The following BTRC variants were observed in gnomAD, a reference collection of about 807,000 sequenced individuals.
BTRC encodes the protein F-box/WD repeat-containing protein 1A.
In BTRC, 42 loss-of-function variants were observed where a neutral mutation model predicts 85.5. The ratio of observed to expected loss-of-function variants is 0.49; its 90% CI spans 0.38 to 0.64. The LOEUF (loss-of-function observed/expected upper bound fraction) is 0.64, where lower values mean the gene tolerates loss of function less well. BTRC is among the 30% of genes least tolerant of loss of function. The pLI is 0.00. For missense variants in BTRC, 594 were observed against 743.5 expected (o/e 0.80, Z 2.34); for synonymous variants, 255 against 263.3 (o/e 0.97, Z 0.30).
intron 13 of BTRC, among the ~76,000 whole-genome samples, chr10:101,541,922 G>C (rs2062475007): frequency 7.0e-6 from 1 of 143,232 alleles, no homozygotes; most frequent in East Asian, 2.1e-4. Flanking sequence ...CTGGTTGACT[G>C]TCATGATAAT....
chr10:101,511,855 T>G (rs1211881545), intron 4 of BTRC, among the ~76,000 whole-genome samples: 1 of 152,150 alleles, frequency 6.6e-6, no homozygotes, highest in East Asian at 1.9e-4. Flanking sequence ...TTCACTATGT[T>G]GACCAGGCTG....
intron 1 of BTRC, among the ~76,000 whole-genome samples, chr10:101,425,105 T>C (rs182867898): frequency 6.6e-6 from 1 of 152,334 alleles, no homozygotes; most frequent in Admixed American, 6.5e-5. Flanking sequence ...TCTAGCTGCA[T>C]CCATGTTCTG....
intron 2 of BTRC, among the ~76,000 whole-genome samples, chr10:101,435,643 G>T (rs1253647569): frequency 6.6e-6 from 1 of 151,958 alleles, no homozygotes; most frequent in East Asian, 1.9e-4. Context: ...TATTAATAAA[G>T]CTACTATAAA....
chr10:101,509,638 A>G (rs1186535366), intron 4 of BTRC, among the ~76,000 whole-genome samples: 1 of 147,176 alleles, frequency 6.8e-6, no homozygotes, highest in African/African-American at 2.5e-5. Context: ...CTGCAGGCTC[A>G]ACCTCCCAGG....
intron 3 of BTRC, among the ~76,000 whole-genome samples, chr10:101,469,360 T>C (rs895733718): frequency 1.3e-5 from 2 of 152,176 alleles, no homozygotes; most frequent in Non-Finnish European, 2.9e-5. Context: ...ATTTTACAGA[T>C]GGAATGTCTA....
chr10:101,479,450 T>A lies in BTRC; in HGVS notation c.317T>A (p.Val106Glu). 6.2e-7 allele frequency: 1 copy of A among 1,612,556 alleles called. No individual in the cohort carries two copies. The highest frequency in any genetic ancestry group is 1.1e-5 in the South Asian group (1 of 91,048). ...ACTGCTATGAAGACTGAGAATTGTG[T>A]GGCCAAAGTAAGTAATATTGCTCAT... ...ASTAMKTENC[V>E]AKTKLANGTS... is the part of the protein sequence containing the mutation. The change falls in exon 4 of 15, where the codon GTG becomes GAG. Residue 106 changes from valine to glutamate, a missense_variant. Transcript: ENST00000370187.
At chr10:101,506,275 A>G (rs180824024) in intron 4 of BTRC, among the ~76,000 whole-genome samples, 192 of 152,338 alleles carry the variant, frequency 1.3e-3, no homozygotes, top group African/African-American at 4.2e-3. Context: ...GAACTGAAGC[A>G]TGAAGCCATC....
chr10:101,362,630 G>A (rs1241908721), intron 1 of BTRC, among the ~76,000 whole-genome samples: 1 of 148,630 alleles, frequency 6.7e-6, no homozygotes, highest in Non-Finnish European at 1.5e-5. Context: ...CCCGACCTTA[G>A]GTGATCCGCC....
intron 3 of BTRC, among the ~76,000 whole-genome samples, chr10:101,464,479 C>T (rs112979099): frequency 1.1e-4 from 17 of 151,916 alleles, no homozygotes; most frequent in African/African-American, 3.4e-4. Context: ...TTTTCATTGC[C>T]GTTTTAGCAG....
intron 1 of BTRC, among the ~76,000 whole-genome samples, chr10:101,422,160 A>G (rs149161195): frequency 0.067 from 10,147 of 152,202 alleles, 356 homozygotes; most frequent in Non-Finnish European, 0.074. Context: ...AATGATCACC[A>G]TTCTAACTGG....
chr10:101,414,944 A>G lies in BTRC; in HGVS notation c.49-15401A>G, dbSNP rs144105852. On this transcript the variant is annotated intron_variant, in intron 1 of 14. Coordinates refer to ENST00000370187, the MANE Select transcript of BTRC (RefSeq NM_033637.4). ...AAAATTTATAAAGTGAAAAAGTCACAGTAAGCTAAGTTTATTACTAAAGAG... is the reference window on the plus strand; with the variant it reads ...AAAATTTATAAAGTGAAAAAGTCACGGTAAGCTAAGTTTATTACTAAAGAG... 2.0e-5 allele frequency among the ~76,000 whole-genome samples: 3 copies of G among 152,312 alleles called. No individual in the cohort carries two copies. The East Asian group carries it at 5.8e-4, about 29-fold the overall frequency.
chr10:101,477,424 G>T (rs1159771387), intron 3 of BTRC, among the ~76,000 whole-genome samples: 1 of 152,042 alleles, frequency 6.6e-6, no homozygotes, highest in Non-Finnish European at 1.5e-5. Flanking sequence ...TTAATATATT[G>T]TCCAGTAATT....
chr10:101,540,189 C>A (rs2062445190), intron 13 of BTRC, among the ~76,000 whole-genome samples: 1 of 152,160 alleles, frequency 6.6e-6, no homozygotes, highest in African/African-American at 2.4e-5. Context: ...CTCAGAAAAA[C>A]CTTTGACTAA....
At chr10:101,514,058 A>T (rs1411972111) in intron 4 of BTRC, among the ~76,000 whole-genome samples, 1 of 152,198 alleles carries the variant, frequency 6.6e-6, no homozygotes, top group Non-Finnish European at 1.5e-5. Context: ...GCTTATTGGC[A>T]TCTGTGGATC....
chr10:101,466,498 C>A (rs947796900), intron 3 of BTRC, among the ~76,000 whole-genome samples: 3 of 152,146 alleles, frequency 2.0e-5, no homozygotes, highest in African/African-American at 7.2e-5. Flanking sequence ...ACATTTTCCT[C>A]CCCCATGCAC....
chr10:101,359,090 ACTTCC>A lies in BTRC; in HGVS notation c.48+4866_48+4870del, dbSNP rs145501336. Among the ~76,000 whole-genome samples, 1,388 of 152,260 alleles carry A rather than the reference ACTTCC, an allele frequency of 9.1e-3. 21 individuals carry two copies. The highest frequency in any genetic ancestry group is 0.032 in the African/African-American group (1,312 of 41,552). On this transcript the variant is annotated intron_variant, in intron 1 of 14. Transcript: ENST00000370187. ...AGGCACTAACATGATCTCCTGCGTG[ACTTCC>A]CTTAATGATGTCACTGTTGACATAA...
At chr10:101,372,271 T>C (rs1044792606) in intron 1 of BTRC, among the ~76,000 whole-genome samples, 3 of 151,508 alleles carry the variant, frequency 2.0e-5, no homozygotes, top group Non-Finnish European at 4.4e-5. Context: ...TTTCTTTTTT[T>C]TTTTAAATGG....
intron 2 of BTRC, among the ~76,000 whole-genome samples, chr10:101,461,626 GTAA>G (rs1184799953): frequency 6.6e-6 from 1 of 152,172 alleles, no homozygotes; most frequent in African/African-American, 2.4e-5. Context: ...TCGAGAGAAG[GTAA>G]TAATCATGGT....
rs948778704 is a variant in BTRC, at chr10:101,557,256, T to G, written c.*4133T>G. 1 of 152,186 alleles carries G rather than the reference T, an allele frequency of 6.6e-6. No individual in the cohort carries two copies. The highest frequency in any genetic ancestry group is 1.5e-5 in the Non-Finnish European group (1 of 68,040). 9.4% of individuals were successfully genotyped at this position (152,186 alleles called of 1,614,324 possible). A position where few individuals can be genotyped will look rare whatever the true frequency, so the allele number is the denominator to read the frequency against. ...AGGATCATGATAATGGAGTGTGTTTTGGGTTTTTTTTAACTGTTCAGAAAA... is the reference window on the plus strand; with the variant it reads ...AGGATCATGATAATGGAGTGTGTTTGGGGTTTTTTTTAACTGTTCAGAAAA... On this transcript the variant is annotated 3_prime_UTR_variant, in exon 15 of 15. Coordinates refer to ENST00000370187, the MANE Select transcript of BTRC (RefSeq NM_033637.4).
Sources: allele counts gnomAD v4.1 joint callset (sites outside exome capture counted in the v4.1 genomes callset), GRCh38; gene constraint gnomAD v4.1.1; transcripts MANE v1.5; gene names NCBI Gene and HGNC (gene_info 2026-07-23, HGNC 2026-07-21).